UNC13C: variants seen among roughly 807,000 people sequenced by gnomAD.
UNC13C encodes protein unc-13 homolog C.
A neutral mutation model predicts 245.4 loss-of-function variants in UNC13C; 174 were observed. The ratio of observed to expected loss-of-function variants is 0.71; its 90% CI spans 0.63 to 0.80. The LOEUF (loss-of-function observed/expected upper bound fraction) is 0.80. UNC13C is among the 30% of genes least tolerant of loss of function. The pLI, the probability that UNC13C is intolerant of heterozygous loss-of-function variation, is 0.00. For missense variants in UNC13C, 2,829 were observed against 2,602.9 expected (o/e 1.09, Z -1.89); for synonymous variants, 992 against 895.1 (o/e 1.11, Z -1.93).
chr15:53,858,502 C>A, the UNC13C span, among the ~76,000 whole-genome samples: 1 of 151,494 alleles, frequency 6.6e-6, no homozygotes, highest in Non-Finnish European at 1.5e-5. Flanking sequence ...CTCATTGCAA[C>A]CTCCACCTAC....
the UNC13C span, among the ~76,000 whole-genome samples, chr15:53,960,086 T>G: frequency 6.6e-6 from 1 of 152,184 alleles, no homozygotes; most frequent in Non-Finnish European, 1.5e-5. Flanking sequence ...TAAGGAGATA[T>G]GCTACCTCCA....
At chr15:54,570,803 A>G (rs1046375151) in intron 30 of UNC13C, among the ~76,000 whole-genome samples, 2 of 152,218 alleles carry the variant, frequency 1.3e-5, no homozygotes, top group Non-Finnish European at 2.9e-5. Flanking sequence ...CAAATCCTAA[A>G]GTTATAGTTT....
chr15:54,588,784 A>G (rs963997572), intron 30 of UNC13C, among the ~76,000 whole-genome samples: 4 of 152,104 alleles, frequency 2.6e-5, no homozygotes, highest in Non-Finnish European at 4.4e-5. Flanking sequence ...ATAGTCACCA[A>G]TCTCATCTAG....
chr15:54,455,209 A>T (rs201425710), intron 19 of UNC13C, among the ~76,000 whole-genome samples: 1 of 26,354 alleles, frequency 3.8e-5, no homozygotes, highest in Non-Finnish European at 7.5e-5. Flanking sequence ...CTCTCTCTAT[A>T]TATATATATA....
At chr15:54,268,857 C>G (rs2036613835) in intron 10 of UNC13C, among the ~76,000 whole-genome samples, 1 of 151,874 alleles carries the variant, frequency 6.6e-6, no homozygotes, top group African/African-American at 2.4e-5. Context: ...TGTGCATGCA[C>G]TTATCATTAC....
intron 2 of UNC13C, among the ~76,000 whole-genome samples, chr15:54,141,330 AGTTTGTTTTG>A (rs1301527323): frequency 6.6e-6 from 1 of 152,130 alleles, no homozygotes; most frequent in Non-Finnish European, 1.5e-5. Context: ...ATAATTATAT[AGTTTGTTTTG>A]GTTTGTTTTA....
At chr15:54,451,377 A>AT (rs1251300055) in intron 19 of UNC13C, among the ~76,000 whole-genome samples, 4 of 151,478 alleles carry the variant, frequency 2.6e-5, no homozygotes, top group Admixed American at 6.6e-5. Flanking sequence ...GGTTTTTTTT[A>AT]TTTTTTGTTC....
chr15:54,149,810 G>A (rs992472216), intron 4 of UNC13C, among the ~76,000 whole-genome samples: 7 of 152,052 alleles, frequency 4.6e-5, no homozygotes, highest in Admixed American at 1.3e-4. Context: ...ATAATAAATA[G>A]CAATGCAACA....
intron 27 of UNC13C, 119 bp downstream of exon 27, chr15:54,546,964 C>T: frequency 1.1e-6 from 1 of 929,214 alleles, no homozygotes; most frequent in Non-Finnish European, 1.6e-6. Flanking sequence ...GTTTGGTATC[C>T]AGTTTCTTAA....
Position 54,195,306 on chromosome 15 carries a change from T to G in UNC13C, c.3072-39724T>G, listed in dbSNP as rs75863060. 0.01 allele frequency among the ~76,000 whole-genome samples: 1,579 copies of G among 152,300 alleles called. 64 individuals are homozygous for G. The East Asian group carries it at 0.11, about 10-fold the overall frequency. On this transcript the variant is annotated intron_variant, in intron 4 of 32. Transcript: ENST00000260323. ...ATCATTGGCTGGCAGATAAAATGTA[T>G]GCTGAGAGAACAGTCGTTAATTTAA...
chr15:53,897,356 A>C, the UNC13C span, among the ~76,000 whole-genome samples: 147 of 152,352 alleles, frequency 9.6e-4, 1 homozygote, highest in African/African-American at 3.4e-3. Flanking sequence ...TTACCAGCTC[A>C]GTCATCTCTC....
intron 7 of UNC13C, among the ~76,000 whole-genome samples, chr15:54,241,544 C>T (rs746834470): frequency 1.3e-5 from 2 of 152,218 alleles, no homozygotes; most frequent in Non-Finnish European, 2.9e-5. Flanking sequence ...CTCAACTCCA[C>T]CTCTCACTAG....
chr15:54,126,760 G>C (rs1290756415), intron 2 of UNC13C, among the ~76,000 whole-genome samples: 1 of 152,154 alleles, frequency 6.6e-6, no homozygotes, highest in Non-Finnish European at 1.5e-5. Context: ...ACTATCTTCA[G>C]AGTGAACAGG....
At chr15:54,511,363 T>G (rs1338646849) in intron 23 of UNC13C, among the ~76,000 whole-genome samples, 2 of 148,818 alleles carry the variant, frequency 1.3e-5, no homozygotes, top group Admixed American at 6.8e-5. Flanking sequence ...ATTTAAAAAA[T>G]CACATGGTAT....
intron 2 of UNC13C, among the ~76,000 whole-genome samples, chr15:54,057,368 C>A (rs549172517): frequency 1.3e-5 from 2 of 151,168 alleles, no homozygotes; most frequent in East Asian, 3.9e-4. Context: ...CAAAGAAGGC[C>A]ATTACATAAT....
At chr15:53,861,050 G>A in the UNC13C span, among the ~76,000 whole-genome samples, 1 of 152,062 alleles carries the variant, frequency 6.6e-6, no homozygotes, top group South Asian at 2.1e-4. Flanking sequence ...CTGAAAGCTA[G>A]AGATACTTTA....
chr15:54,274,999 A>G (rs1425527740), intron 10 of UNC13C, among the ~76,000 whole-genome samples: 1 of 152,168 alleles, frequency 6.6e-6, no homozygotes, highest in Non-Finnish European at 1.5e-5. Context: ...ATCAAAAATG[A>G]TAAATCCTAT....
intron 2 of UNC13C, among the ~76,000 whole-genome samples, chr15:54,085,263 C>T (rs1313229717): frequency 1.3e-5 from 2 of 152,160 alleles, no homozygotes; most frequent in Non-Finnish European, 2.9e-5. Flanking sequence ...GGGCTACTTT[C>T]TCCTGGTACA....
chr15:54,322,581 C>T (rs1203020411), intron 14 of UNC13C, among the ~76,000 whole-genome samples: 1 of 151,956 alleles, frequency 6.6e-6, no homozygotes, highest in Non-Finnish European at 1.5e-5. Context: ...CTACAAAAAA[C>T]AATCTGTGCC....
Sources: gnomAD v4.1 joint callset for allele counts (sites outside exome capture counted in the v4.1 genomes callset) on GRCh38, gnomAD v4.1.1 for gene constraint, MANE v1.5 for transcripts, NCBI Gene and HGNC (gene_info 2026-07-23, HGNC 2026-07-21) for gene names.